Variants in CAMK2D observed in about 807,000 individuals in gnomAD.
CAMK2D encodes the protein calcium/calmodulin dependent protein kinase II delta.
CAMK2D carries 37 observed loss-of-function variants against 84.0 expected under a neutral mutation model. The ratio of observed to expected loss-of-function variants is 0.44; its 90% CI spans 0.34 to 0.58. CAMK2D has a LOEUF of 0.58. CAMK2D is among the 20% of genes least tolerant of loss of function. The pLI is 0.02. For synonymous variants in CAMK2D, 202 were observed against 212.5 expected, an observed-to-expected ratio of 0.95 and a Z score of 0.43; for missense variants, 448 against 652.5, an observed-to-expected ratio of 0.69 and a Z score of 3.41.
chr4:113,675,870 C>T (rs559874908), intron 2 of CAMK2D, among the ~76,000 whole-genome samples: 130 of 152,260 alleles, frequency 8.5e-4, no homozygotes, highest in African/African-American at 3.0e-3. Flanking sequence ...TTTGGGTAAG[C>T]CAAGATCTGT....
At chr4:113,731,281 C>G (rs879596248) in intron 2 of CAMK2D, among the ~76,000 whole-genome samples, 11 of 152,170 alleles carry the variant, frequency 7.2e-5, no homozygotes, top group Non-Finnish European at 1.6e-4. Flanking sequence ...TTTTATAACT[C>G]TGTGTATTAG....
At chr4:113,498,291 T>G in intron 16 of CAMK2D, among the ~76,000 whole-genome samples, 1 of 152,170 alleles carries the variant, frequency 6.6e-6, no homozygotes, top group East Asian at 1.9e-4. Context: ...TTAAAATCAC[T>G]TAAGACCATT....
intron 3 of CAMK2D, among the ~76,000 whole-genome samples, chr4:113,637,478 T>C (rs190208027): frequency 3.3e-5 from 5 of 152,324 alleles, no homozygotes; most frequent in African/African-American, 9.6e-5. Context: ...TAAAGTCCCA[T>C]TAGCAAGTTT....
intron 2 of CAMK2D, among the ~76,000 whole-genome samples, chr4:113,734,477 A>T (rs1466150552): frequency 6.6e-6 from 1 of 152,114 alleles, no homozygotes; most frequent in Non-Finnish European, 1.5e-5. Flanking sequence ...TCCTATAGTA[A>T]TTTTTTTATT....
intron 2 of CAMK2D, among the ~76,000 whole-genome samples, chr4:113,750,669 A>T (rs2099615068): frequency 6.6e-6 from 1 of 152,220 alleles, no homozygotes. Flanking sequence ...CGAATAAAAA[A>T]TGTGCAACTA....
At chr4:113,735,448 C>G (rs1285157673) in intron 2 of CAMK2D, among the ~76,000 whole-genome samples, 1 of 147,672 alleles carries the variant, frequency 6.8e-6, no homozygotes, top group African/African-American at 2.6e-5. Context: ...GTACTACAAC[C>G]TGAGTGACAG....
At chr4:113,527,149 C>T (rs983186033) in intron 8 of CAMK2D, among the ~76,000 whole-genome samples, 1 of 152,052 alleles carries the variant, frequency 6.6e-6, no homozygotes, top group Non-Finnish European at 1.5e-5. Context: ...CAACCTTTAG[C>T]AACAACTATC....
intron 2 of CAMK2D, among the ~76,000 whole-genome samples, chr4:113,710,945 T>C (rs1421844650): frequency 2.6e-5 from 4 of 152,106 alleles, no homozygotes; most frequent in Non-Finnish European, 2.9e-5. Flanking sequence ...CTGGAATGTG[T>C]TCTACATAAT....
chr4:113,702,989 C>T (rs1485104603), intron 2 of CAMK2D, among the ~76,000 whole-genome samples: 1 of 152,092 alleles, frequency 6.6e-6, no homozygotes, highest in Non-Finnish European at 1.5e-5. Flanking sequence ...TTAATTCAGA[C>T]TAGACACATT....
intron 3 of CAMK2D, among the ~76,000 whole-genome samples, chr4:113,623,731 G>A (rs1277652941): frequency 6.8e-6 from 1 of 147,774 alleles, no homozygotes; most frequent in African/African-American, 2.6e-5. Context: ...ACATTGTTAT[G>A]CAGTGACTGT....
chr4:113,710,097 T>C lies in CAMK2D; in HGVS notation c.161-48325A>G, dbSNP rs544332418. Among the ~76,000 whole-genome samples, 5 of 152,058 alleles carry C rather than the reference T, an allele frequency of 3.3e-5. No individual in the cohort carries two copies. The South Asian group carries it at 1.0e-3, about 32-fold the overall frequency. On this transcript the variant is annotated intron_variant, in intron 2 of 20. Transcript: ENST00000511664. ...TACAGATTTTCCGAGATTCTTACAT[T>C]TCAGGATATTTAAAAACTAGGGTAT... is the stretch of plus-strand genomic sequence containing the variant.
At chr4:113,531,387 C>G in intron 7 of CAMK2D, 88 bp from the exon 8 acceptor site, 1 of 733,770 alleles carries the variant, frequency 1.4e-6, no homozygotes, top group Non-Finnish European at 2.5e-6. Flanking sequence ...TCGGGGGCTT[C>G]TTTATCTGAT....
chr4:113,571,115 GAAC>G (rs1182226952), intron 4 of CAMK2D, among the ~76,000 whole-genome samples: 1 of 150,978 alleles, frequency 6.6e-6, no homozygotes, highest in Non-Finnish European at 1.5e-5. Flanking sequence ...ACACTTGTTA[GAAC>G]AACTACTATC....
At chr4:113,698,600 A>C (rs2099409679) in intron 2 of CAMK2D, among the ~76,000 whole-genome samples, 1 of 152,144 alleles carries the variant, frequency 6.6e-6, no homozygotes, top group Non-Finnish European at 1.5e-5. Context: ...AAATATATTT[A>C]CTGCTAAAAC....
intron 4 of CAMK2D, among the ~76,000 whole-genome samples, chr4:113,569,570 G>A (rs945441929): frequency 1.3e-5 from 2 of 152,088 alleles, no homozygotes; most frequent in African/African-American, 4.8e-5. Context: ...CTTTTAAATA[G>A]AGAATATAAA....
At chr4:113,575,683 A>G (rs1248741478) in intron 4 of CAMK2D, among the ~76,000 whole-genome samples, 1 of 152,132 alleles carries the variant, frequency 6.6e-6, no homozygotes, top group East Asian at 1.9e-4. Context: ...CAATCAGTGT[A>G]TCTATGTCTT....
intron 2 of CAMK2D, chr4:113,755,161 G>T (rs2099625536): frequency 9.7e-5 from 34 of 350,010 alleles, no homozygotes; most frequent in South Asian, 2.4e-4. Context: ...ATCAAAAAAG[G>T]TTACTTAGGG....
intron 16 of CAMK2D, among the ~76,000 whole-genome samples, chr4:113,485,269 C>A (rs1217756861): frequency 6.6e-6 from 1 of 152,128 alleles, no homozygotes; most frequent in Non-Finnish European, 1.5e-5. Context: ...GCTATTTCTG[C>A]CCACTAAAAT....
At chr4:113,476,152 G>T (rs1446670280) in intron 16 of CAMK2D, among the ~76,000 whole-genome samples, 1 of 152,024 alleles carries the variant, frequency 6.6e-6, no homozygotes, top group African/African-American at 2.4e-5. Context: ...TAGATCCAAA[G>T]GCCAGGGCTC....
Sources: allele counts gnomAD v4.1 joint callset (sites outside exome capture counted in the v4.1 genomes callset), GRCh38; gene constraint gnomAD v4.1.1; transcripts MANE v1.5; gene names NCBI Gene and HGNC (gene_info 2026-07-23, HGNC 2026-07-21).